Variants in TTC28 observed in about 807,000 individuals in gnomAD.
TTC28 encodes tetratricopeptide repeat protein 28.
TTC28 carries 61 observed loss-of-function variants against 198.0 expected under a neutral mutation model. The ratio of observed to expected loss-of-function variants is 0.31; its 90% CI spans 0.25 to 0.38. The LOEUF (loss-of-function observed/expected upper bound fraction) is 0.38. Ranked by LOEUF, TTC28 falls within the 10% of genes least tolerant of loss-of-function variation. The pLI, the probability that TTC28 is intolerant of heterozygous loss-of-function variation, is 1.00. For synonymous variants in TTC28, 1,171 were observed against 1,297.8 expected, an observed-to-expected ratio of 0.90 and a Z score of 2.10; for missense variants, 2,678 against 3,164.0, an observed-to-expected ratio of 0.85 and a Z score of 3.69.
intron 3 of TTC28, among the ~76,000 whole-genome samples, chr22:28,302,701 C>T (rs1352545616): frequency 6.6e-6 from 1 of 152,068 alleles, no homozygotes; most frequent in Non-Finnish European, 1.5e-5. Context: ...GACGGAGTCT[C>T]ACTCTGTCTG....
chr22:28,344,403 G>A (rs899663368), intron 2 of TTC28, among the ~76,000 whole-genome samples: 1 of 151,952 alleles, frequency 6.6e-6, no homozygotes, highest in African/African-American at 2.4e-5. Context: ...ACTAAGACAT[G>A]ACAAATACCT....
At chr22:28,520,392 G>A (rs1019277226) in intron 2 of TTC28, among the ~76,000 whole-genome samples, 4 of 152,136 alleles carry the variant, frequency 2.6e-5, no homozygotes, top group Non-Finnish European at 4.4e-5. Flanking sequence ...GCATATGTAT[G>A]AATAAGCTAT....
At chr22:27,985,456 T>C (rs541376653) in intron 21 of TTC28, 100 bp from the exon 22 acceptor site, 3 of 924,048 alleles carry the variant, frequency 3.2e-6, no homozygotes, top group South Asian at 1.5e-5. Flanking sequence ...ATGGAATGCC[T>C]GCAAGGCCCT....
intron 2 of TTC28, among the ~76,000 whole-genome samples, chr22:28,524,411 G>C (rs1297891656): frequency 6.8e-6 from 1 of 147,192 alleles, no homozygotes; most frequent in Non-Finnish European, 1.5e-5. Flanking sequence ...AGTGAGCCGA[G>C]ATCGCGCCAC....
chr22:28,209,046 T>C (rs959544397), intron 5 of TTC28, among the ~76,000 whole-genome samples: 1 of 152,210 alleles, frequency 6.6e-6, no homozygotes, highest in African/African-American at 2.4e-5. Flanking sequence ...AGCCTTAGCA[T>C]ACATCAAAAG....
intron 2 of TTC28, among the ~76,000 whole-genome samples, chr22:28,628,971 G>A (rs2051123594): frequency 6.6e-6 from 1 of 151,776 alleles, no homozygotes; most frequent in Admixed American, 6.6e-5. Context: ...GAAAGGAAAG[G>A]AAAAGAAAGG....
intron 2 of TTC28, among the ~76,000 whole-genome samples, chr22:28,481,944 A>G (rs695571): frequency 0.011 from 1,667 of 152,296 alleles, 35 homozygotes; most frequent in East Asian, 0.084. Flanking sequence ...CCCCATGGGA[A>G]GGAAGCAGCC....
At chr22:28,633,045 C>A (rs9625517) in intron 1 of TTC28, among the ~76,000 whole-genome samples, 20,652 of 151,086 alleles carry the variant, frequency 0.14, 1,657 homozygotes, top group African/African-American at 0.2. Context: ...TTTGGGAGGC[C>A]GAGGTGGGCG....
At chr22:28,192,648 C>A (rs1924933981) in intron 5 of TTC28, among the ~76,000 whole-genome samples, 1 of 152,060 alleles carries the variant, frequency 6.6e-6, no homozygotes, top group Non-Finnish European at 1.5e-5. Context: ...GACACATACA[C>A]AAGCTTCAGC....
chr22:28,628,638 A>G (rs2051116205), intron 2 of TTC28, among the ~76,000 whole-genome samples: 1 of 152,092 alleles, frequency 6.6e-6, no homozygotes. Flanking sequence ...ATGCTTCAGG[A>G]GCATCTTAAG....
intron 5 of TTC28, among the ~76,000 whole-genome samples, chr22:28,268,941 C>T (rs1052457147): frequency 1.3e-5 from 2 of 152,036 alleles, no homozygotes; most frequent in African/African-American, 2.4e-5. Flanking sequence ...TACTTAAAAA[C>T]TTTTTGCACT....
intron 2 of TTC28, among the ~76,000 whole-genome samples, chr22:28,455,120 C>G (rs1352448241): frequency 1.3e-5 from 2 of 152,080 alleles, no homozygotes; most frequent in African/African-American, 4.8e-5. Flanking sequence ...TTCAGAAGAT[C>G]CAACCCCCAC....
chr22:28,550,957 G>T (rs543116460), intron 2 of TTC28, among the ~76,000 whole-genome samples: 1 of 152,014 alleles, frequency 6.6e-6, no homozygotes, highest in African/African-American at 2.4e-5. Context: ...AGTTAAAAAA[G>T]ACAAAGACGG....
At chr22:28,040,129 C>G (rs1939554939) in intron 12 of TTC28, among the ~76,000 whole-genome samples, 1 of 152,152 alleles carries the variant, frequency 6.6e-6, no homozygotes, top group Admixed American at 6.5e-5. Context: ...CAGGACCAGA[C>G]AGATTCACAG....
chr22:28,217,781 G>C (rs1927524781), intron 5 of TTC28, among the ~76,000 whole-genome samples: 1 of 152,092 alleles, frequency 6.6e-6, no homozygotes, highest in South Asian at 2.1e-4. Context: ...TAATGTATAA[G>C]ACATTAGAAT....
chr22:28,134,308 C>G (rs1233927618), intron 6 of TTC28, among the ~76,000 whole-genome samples: 2 of 152,194 alleles, frequency 1.3e-5, no homozygotes, highest in African/African-American at 4.8e-5. Context: ...GCGCCACTCC[C>G]CCTCCAAAGG....
rs546343763 is a variant in TTC28, at chr22:28,526,205, T to C, written c.381+103347A>G. On this transcript the variant is annotated intron_variant, in intron 2 of 22. Transcript: ENST00000397906. ...ATAAAACTACTAACAATAATAAGTA[T>C]CTAGTCTTAAAGCTGAAATAAGACA... Among the ~76,000 whole-genome samples, 6 of 152,308 alleles carry C rather than the reference T, an allele frequency of 3.9e-5. No homozygotes were observed. In the East Asian group the frequency reaches 1.2e-3, roughly 29 times the overall value.
Position 28,124,198 on chromosome 22 carries a change from G to GTTTGTTT in TTC28, c.1442-15802_1442-15796dup, listed in dbSNP as rs1555919225. Among the ~76,000 whole-genome samples, 130 of 138,262 alleles carry GTTTGTTT rather than the reference G, an allele frequency of 9.4e-4. 1 individual carries two copies. Among genetic ancestry groups the GTTTGTTT allele is most frequent in the African/African-American group, 3.3e-3 (124 of 37,504 alleles). The allele number at this position is 138,262 out of a possible 152,430, so 90.7% of individuals were successfully genotyped here. On this transcript the variant is annotated intron_variant, in intron 6 of 22. Coordinates refer to ENST00000397906, the MANE Select transcript of TTC28 (RefSeq NM_001145418.2). ...TGTTGTTGTTGTTGTTGTTGTTGTTGTTTGTTTTTTGTTTTTTTCCTGTTT... is the reference window on the plus strand; with the variant it reads ...TGTTGTTGTTGTTGTTGTTGTTGTTGTTTGTTTTTTGTTTTTTGTTTTTTTCCTGTTT...
At chr22:28,574,339 T>C (rs894682616) in intron 2 of TTC28, among the ~76,000 whole-genome samples, 9 of 151,908 alleles carry the variant, frequency 5.9e-5, no homozygotes, top group Admixed American at 5.9e-4. Context: ...TGTGGCCGAA[T>C]AGTACTCCAC....
Sources: allele counts gnomAD v4.1 joint callset (sites outside exome capture counted in the v4.1 genomes callset), GRCh38; gene constraint gnomAD v4.1.1; transcripts MANE v1.5; gene names NCBI Gene and HGNC (gene_info 2026-07-23, HGNC 2026-07-21).